The following TRMO variants were observed in gnomAD, a reference collection of about 807,000 sequenced individuals.
The protein encoded by TRMO is tRNA methyltransferase O, also known as tRNA (adenine(37)-N6)-methyltransferase.
Under a neutral mutation model 37.2 loss-of-function variants are expected in TRMO, and 30 were observed. The ratio of observed to expected loss-of-function variants is 0.81; its 90% confidence interval spans 0.60 to 1.09. The LOEUF (loss-of-function observed/expected upper bound fraction) is 1.09. Ranked by LOEUF, TRMO falls within the 50% of genes least tolerant of loss-of-function variation. TRMO has a pLI of 0.00. For synonymous variants in TRMO, 239 were observed against 199.4 expected, an observed-to-expected ratio of 1.20 and a Z score of -1.67; for missense variants, 552 against 549.5, an observed-to-expected ratio of 1.00 and a Z score of -0.05.
chr9:97,913,633 G>A, intron 2 of TRMO, 75 bp from the exon 3 acceptor site: 2 of 958,998 alleles, frequency 2.1e-6, no homozygotes, highest in Non-Finnish European at 3.2e-6. Context: ...GATCTGATGG[G>A]GAAAAAAATG....
chr9:97,917,578 A>G (rs1049250429), intron 1 of TRMO, among the ~76,000 whole-genome samples: 1 of 152,128 alleles, frequency 6.6e-6, no homozygotes, highest in African/African-American at 2.4e-5. Context: ...ATATAATCCC[A>G]CTTATGGAAA....
downstream of TRMO, among the ~76,000 whole-genome samples, chr9:97,903,163 G>C (rs1286928801): frequency 1.3e-5 from 2 of 152,064 alleles, no homozygotes; most frequent in Non-Finnish European, 2.9e-5. Flanking sequence ...AGCTACTCAG[G>C]AAGGTGAGGT....
chr9:97,909,594 C>T (rs944895905), intron 4 of TRMO, among the ~76,000 whole-genome samples: 56 of 152,252 alleles, frequency 3.7e-4, no homozygotes, highest in African/African-American at 1.3e-3. Context: ...GACAGTAAAA[C>T]AAATAAGAAA....
intron 1 of TRMO, among the ~76,000 whole-genome samples, chr9:97,920,587 C>T (rs1564114883): frequency 6.6e-6 from 1 of 152,212 alleles, no homozygotes; most frequent in Admixed American, 6.5e-5. Context: ...TTTAAAGTCC[C>T]TGCTCAGGCT....
At chr9:97,897,909 G>A in the TRMO span, among the ~76,000 whole-genome samples, 1 of 152,014 alleles carries the variant, frequency 6.6e-6, no homozygotes, top group East Asian at 1.9e-4. Context: ...CAGACTGGAG[G>A]ACAGTGGCAT....
chr9:97,908,351 G>A (rs1013729244), intron 4 of TRMO, among the ~76,000 whole-genome samples: 1 of 150,578 alleles, frequency 6.6e-6, no homozygotes, highest in East Asian at 2.0e-4. Flanking sequence ...GGCGGAGCTT[G>A]CAGTGAGCCG....
chr9:97,917,308 C>G (rs780343794), intron 1 of TRMO, among the ~76,000 whole-genome samples: 31 of 152,132 alleles, frequency 2.0e-4, no homozygotes, highest in Non-Finnish European at 4.1e-4. Context: ...ATAAAGAGAG[C>G]TTATAAGCTC....
At chr9:97,912,891 TGTA>T (rs1250444419) in intron 3 of TRMO, 1 of 1,300,508 alleles carries the variant, frequency 7.7e-7, no homozygotes, top group Admixed American at 2.3e-5. Context: ...TGTTTGTCCT[TGTA>T]GTGTGATTCA....
At chr9:97,915,888 A>T in intron 2 of TRMO, 1 of 251,734 alleles carries the variant, frequency 4.0e-6, no homozygotes, top group Non-Finnish European at 7.5e-6. Context: ...AATACAAAAA[A>T]GAATTAGCCA....
At chr9:97,911,260 G>A (rs745672113) in intron 3 of TRMO, 15 of 169,108 alleles carry the variant, frequency 8.9e-5, no homozygotes, top group Non-Finnish European at 1.8e-4. Flanking sequence ...ACTGCTGCTG[G>A]CTGGAAGACT....
chr9:97,898,338 T>C, the TRMO span, among the ~76,000 whole-genome samples: 1 of 152,124 alleles, frequency 6.6e-6, no homozygotes, highest in Non-Finnish European at 1.5e-5. Flanking sequence ...GGAAACTCAA[T>C]TTTTTGTTTT....
At chr9:97,897,508 T>C in the TRMO span, among the ~76,000 whole-genome samples, 10 of 152,212 alleles carry the variant, frequency 6.6e-5, no homozygotes, top group Non-Finnish European at 1.0e-4. Flanking sequence ...GTGGGCCAGA[T>C]TTGGCCTTTG....
chr9:97,920,564 G>T (rs1008761633), intron 1 of TRMO, among the ~76,000 whole-genome samples: 1 of 152,230 alleles, frequency 6.6e-6, no homozygotes, highest in African/African-American at 2.4e-5. Flanking sequence ...AAGGTGCCCA[G>T]CAAGGAGTGC....
chr9:97,897,849 A>G, the TRMO span, among the ~76,000 whole-genome samples: 1 of 151,876 alleles, frequency 6.6e-6, no homozygotes, highest in Non-Finnish European at 1.5e-5. Flanking sequence ...ATCCTACTTT[A>G]AAAAATTTTT....
In TRMO at chr9:97,922,274, G is replaced by A. The variant is rs139148172; in HGVS notation, c.76+144C>T. On this transcript the variant is annotated intron_variant, in intron 1 of 4. Transcript: ENST00000375119. ...CAAAGCACATCACGTGGTCTCCGCA[G>A]CACGTGACCCGTGCCTTCGCCGTAG... The A allele has an allele frequency of 3.3e-5, 21 of 635,616 alleles. 1 individual carries two copies. In the East Asian group the frequency reaches 5.3e-4, roughly 16 times the overall value. 39.4% of individuals were successfully genotyped at this position (635,616 alleles called of 1,614,324 possible). A position where few individuals can be genotyped will look rare whatever the true frequency, so the allele number is the denominator to read the frequency against.
chr9:97,905,073 G>C (rs981520251), intron 4 of TRMO, 81 bp from the exon 5 acceptor site: 240 of 1,475,770 alleles, frequency 1.6e-4, no homozygotes, highest in Non-Finnish European at 2.1e-4. Context: ...ATGGAATCTG[G>C]TTGGTTCCTT....
intron 4 of TRMO, among the ~76,000 whole-genome samples, chr9:97,909,004 G>A (rs1825985329): frequency 6.6e-6 from 1 of 152,170 alleles, no homozygotes; most frequent in African/African-American, 2.4e-5. Context: ...ACCCAGGCTG[G>A]AGTACAGTGG....
rs34633871 is a variant in TRMO, at chr9:97,908,411, C to CA, written c.1066+1548dup. 2.8e-3 allele frequency among the ~76,000 whole-genome samples: 277 copies of CA among 98,732 alleles called. 1 individual carries two copies. The highest frequency in any genetic ancestry group is 7.1e-3 in the South Asian group (21 of 2,978). 64.8% of individuals were successfully genotyped at this position (98,732 alleles called of 152,430 possible). On this transcript the variant is annotated intron_variant, in intron 4 of 4. Transcript: ENST00000375119. ...TGGGCGACAGAGCGAGACTCCGTCT[C>CA]AAAAAAAAAAAAAAAAAAAATCAAA...
intron 2 of TRMO, among the ~76,000 whole-genome samples, 198 bp downstream of exon 2, chr9:97,915,966 G>A (rs1020422850): frequency 1.3e-5 from 2 of 152,214 alleles, no homozygotes; most frequent in Admixed American, 6.5e-5. Context: ...CCTTGAGCTC[G>A]GGAGGCAGAG....
Sources: allele counts gnomAD v4.1 joint callset (sites outside exome capture counted in the v4.1 genomes callset), GRCh38; gene constraint gnomAD v4.1.1; transcripts MANE v1.5; gene names NCBI Gene and HGNC (gene_info 2026-07-23, HGNC 2026-07-21).